Variants in CCDC134 observed in about 807,000 individuals in gnomAD.
CCDC134 encodes the protein coiled-coil domain-containing protein 134.
In CCDC134, 27 loss-of-function variants were observed where a neutral mutation model predicts 25.6. The observed-to-expected ratio is 1.05, with a 90% confidence interval of 0.78 to 1.45. The LOEUF is 1.45. Among genes scored for constraint, CCDC134 ranks in the 40% most tolerant of loss-of-function variants. The pLI is 0.00. For synonymous variants in CCDC134, 110 were observed against 115.0 expected, an observed-to-expected ratio of 0.96 and a Z score of 0.28; for missense variants, 261 against 286.7, an observed-to-expected ratio of 0.91 and a Z score of 0.65.
intron 6 of CCDC134, among the ~76,000 whole-genome samples, chr22:41,818,519 A>G (rs549842159): frequency 6.6e-6 from 1 of 152,354 alleles, no homozygotes; most frequent in African/African-American, 2.4e-5. Context: ...GAGTCAGGCC[A>G]GCTGTGTTGA....
intron 2 of CCDC134, among the ~76,000 whole-genome samples, 159 bp from the exon 3 acceptor site, chr22:41,809,720 A>G (rs2076584943): frequency 6.6e-6 from 1 of 152,188 alleles, no homozygotes; most frequent in Non-Finnish European, 1.5e-5. Flanking sequence ...TTGCAGGTCC[A>G]TGCACTTGTC....
rs139978327 is a variant in CCDC134 at position 41,812,369 on chromosome 22, C to T, written c.311-895C>T. Reference sequence around the variant, plus strand: ...CCCGCGAGGCGGAGGTTGCAGTGAGCCAAAATCATGCCACTGCACTCCAGC... The same window carrying T: ...CCCGCGAGGCGGAGGTTGCAGTGAGTCAAAATCATGCCACTGCACTCCAGC... On this transcript the variant is annotated intron_variant, in intron 4 of 6. Transcript: ENST00000255784. Among the ~76,000 whole-genome samples, 133 of 146,502 alleles carry T rather than the reference C, an allele frequency of 9.1e-4. 1 individual carries two copies. The East Asian group carries it at 0.022, about 25-fold the overall frequency.
chr22:41,809,086 C>G, intron 2 of CCDC134, 93 bp downstream of exon 2: 1 of 1,046,570 alleles, frequency 9.6e-7, no homozygotes, highest in South Asian at 1.4e-5. Context: ...GCAGGCCCAG[C>G]TGGCGGGAAC....
At chr22:41,803,505 C>T (rs886219941) in intron 1 of CCDC134, among the ~76,000 whole-genome samples, 1 of 152,128 alleles carries the variant, frequency 6.6e-6, no homozygotes, top group African/African-American at 2.4e-5. Context: ...CGATAGCTCA[C>T]CCCTGTAATC....
At chr22:41,820,578 A>T (rs1337229933) in intron 6 of CCDC134, among the ~76,000 whole-genome samples, 1 of 152,166 alleles carries the variant, frequency 6.6e-6, no homozygotes, top group Non-Finnish European at 1.5e-5. Context: ...CCAGACGATG[A>T]CAGTGGAGCT....
chr22:41,821,477 C>A (rs909128116), intron 6 of CCDC134, among the ~76,000 whole-genome samples: 3 of 150,292 alleles, frequency 2.0e-5, no homozygotes, highest in Admixed American at 1.3e-4. Flanking sequence ...CCCCTCCCCC[C>A]ACCAGTCCCC....
intron 1 of CCDC134, among the ~76,000 whole-genome samples, chr22:41,802,860 A>G (rs2076550427): frequency 1.4e-5 from 2 of 147,590 alleles, no homozygotes; most frequent in African/African-American, 2.5e-5. Context: ...CTTGCAGTGA[A>G]CCGAGATCGC....
Position 41,830,981 on chromosome 22 carries a change from G to A in CCDC134, c.*5158G>A, listed in dbSNP as rs1377725422. 6.6e-6 allele frequency among the ~76,000 whole-genome samples: 1 copy of A among 150,552 alleles called. No homozygotes were observed. Among genetic ancestry groups the A allele is most frequent in the East Asian group, 1.9e-4 (1 of 5,144 alleles). ...GCTCACCGTAACTTCTGCCTCCCGG[G>A]TTCAAGCAAGTCTCCTGCCTCAGCT... On this transcript the variant is annotated 3_prime_UTR_variant, in exon 7 of 7. Coordinates refer to ENST00000255784, the MANE Select transcript of CCDC134 (RefSeq NM_024821.5).
At chr22:41,819,963 T>TATATATATATATA (rs57794600) in intron 6 of CCDC134, among the ~76,000 whole-genome samples, 10 of 82,616 alleles carry the variant, frequency 1.2e-4, no homozygotes, top group African/African-American at 6.1e-4. Flanking sequence ...ACTTACCACT[T>TATATATATATATA]TATATATATA....
At chr22:41,815,063 A>G (rs1224924448) in intron 6 of CCDC134, among the ~76,000 whole-genome samples, 2 of 152,054 alleles carry the variant, frequency 1.3e-5, no homozygotes, top group East Asian at 3.9e-4. Context: ...CCAGGTAAAG[A>G]GTGGTTAGGG....
intron 6 of CCDC134, among the ~76,000 whole-genome samples, chr22:41,817,272 T>C (rs1235111598): frequency 6.6e-6 from 1 of 152,122 alleles, no homozygotes; most frequent in African/African-American, 2.4e-5. Flanking sequence ...AATGATATGT[T>C]TAGGTGGCAG....
At chr22:41,819,998 T>TATATATATATATATATAA (rs1556020965) in intron 6 of CCDC134, among the ~76,000 whole-genome samples, 1 of 130,102 alleles carries the variant, frequency 7.7e-6, no homozygotes, top group African/African-American at 3.1e-5. Flanking sequence ...TATATATATA[T>TATATATATATATATATAA]AATTTTTTTT....
chr22:41,811,368 A>C (rs531448441), intron 4 of CCDC134, among the ~76,000 whole-genome samples: 1 of 152,066 alleles, frequency 6.6e-6, no homozygotes, highest in Non-Finnish European at 1.5e-5. Context: ...TCTACACCCA[A>C]CCTCCAGAAA....
intron 1 of CCDC134, among the ~76,000 whole-genome samples, chr22:41,806,017 T>G (rs1218714458): frequency 6.6e-6 from 1 of 152,172 alleles, no homozygotes; most frequent in Non-Finnish European, 1.5e-5. Context: ...CATCAGTTTC[T>G]TCATTAGAGT....
intron 1 of CCDC134, among the ~76,000 whole-genome samples, chr22:41,801,548 A>C (rs575504251): frequency 6.6e-6 from 1 of 152,228 alleles, no homozygotes; most frequent in East Asian, 1.9e-4. Context: ...CCTTGATTTC[A>C]CATTGGTAAC....
chr22:41,804,132 C>CA (rs1050954118), intron 1 of CCDC134, among the ~76,000 whole-genome samples: 14 of 150,180 alleles, frequency 9.3e-5, no homozygotes, highest in Admixed American at 2.7e-4. Context: ...GACTCCTACT[C>CA]AAAAAAAAAG....
In CCDC134 at chr22:41,828,459, CCTT is replaced by C. The variant is rs2148324603; in HGVS notation, c.*2638_*2640del. On this transcript the variant is annotated 3_prime_UTR_variant, in exon 7 of 7. Coordinates refer to ENST00000255784, the MANE Select transcript of CCDC134 (RefSeq NM_024821.5). ...TCCTCATCTGCCCCTTCTGGCACCTCCTTCCTCCTGGGCTCTTTCCTCTAATAC... is the reference window on the plus strand; with the variant it reads ...TCCTCATCTGCCCCTTCTGGCACCTCCCTCCTGGGCTCTTTCCTCTAATAC... 6.6e-6 allele frequency among the ~76,000 whole-genome samples: 1 copy of C among 152,326 alleles called. No homozygotes were observed. Among genetic ancestry groups the C allele is most frequent in the South Asian group, 2.1e-4 (1 of 4,830 alleles).
intron 4 of CCDC134, among the ~76,000 whole-genome samples, chr22:41,811,368 A>G (rs531448441): frequency 1.3e-5 from 2 of 152,184 alleles, no homozygotes; most frequent in African/African-American, 4.8e-5. Context: ...TCTACACCCA[A>G]CCTCCAGAAA....
chr22:41,803,541 C>T (rs1201825321), intron 1 of CCDC134, among the ~76,000 whole-genome samples: 2 of 151,932 alleles, frequency 1.3e-5, no homozygotes, highest in African/African-American at 4.8e-5. Flanking sequence ...GCCAAGATGG[C>T]CAGATTGCTT....
Sources: gnomAD v4.1 joint callset for allele counts (sites outside exome capture counted in the v4.1 genomes callset) on GRCh38, gnomAD v4.1.1 for gene constraint, MANE v1.5 for transcripts, NCBI Gene and HGNC (gene_info 2026-07-23, HGNC 2026-07-21) for gene names.